The following SKAP2 variants were observed in gnomAD, a reference collection of about 807,000 sequenced individuals.
The protein encoded by SKAP2 is src kinase associated phosphoprotein 2, also known as src kinase-associated phosphoprotein 2.
A neutral mutation model predicts 54.9 loss-of-function variants in SKAP2; 28 were observed. The observed-to-expected ratio is 0.51, with a 90% CI of 0.38 to 0.70. The LOEUF (loss-of-function observed/expected upper bound fraction) is 0.70. SKAP2 is among the 30% of genes least tolerant of loss of function. The pLI, the probability that SKAP2 is intolerant of heterozygous loss-of-function variation, is 0.00. For missense variants in SKAP2, 356 were observed against 424.1 expected, an observed-to-expected ratio of 0.84 and a Z score of 1.41; for synonymous variants, 137 against 134.3, an observed-to-expected ratio of 1.02 and a Z score of -0.14.
At chr7:26,780,640 C>T (rs759283240) in intron 4 of SKAP2, among the ~76,000 whole-genome samples, 1 of 152,000 alleles carries the variant, frequency 6.6e-6, no homozygotes, top group Non-Finnish European at 1.5e-5. Flanking sequence ...ATAAAAACCA[C>T]TCTTAGCTTA....
chr7:26,688,171 T>C (rs559521810), intron 10 of SKAP2, among the ~76,000 whole-genome samples: 61 of 152,220 alleles, frequency 4.0e-4, no homozygotes, highest in East Asian at 1.5e-3. Flanking sequence ...GTGAAACATA[T>C]GAGAATAAGA....
chr7:26,725,220 G>C (rs115048097), intron 9 of SKAP2, among the ~76,000 whole-genome samples: 2,820 of 152,046 alleles, frequency 0.019, 82 homozygotes, highest in African/African-American at 0.064. Flanking sequence ...TTCACTTTTC[G>C]TAAGTTACAT....
At position 26,837,175 on chromosome 7, in the gene SKAP2, T is replaced by C. The variant is rs142925869; in HGVS notation, c.307+6855A>G. On this transcript the variant is annotated intron_variant, in intron 4 of 12. Transcript: ENST00000345317. Reference sequence around the variant, plus strand: ...GCAGGGAGGGGAACATCACACACCATGGCCTGTCAGGGGGTTGGGGGCTAG... The same window carrying C: ...GCAGGGAGGGGAACATCACACACCACGGCCTGTCAGGGGGTTGGGGGCTAG... Among the ~76,000 whole-genome samples, 518 of 151,714 alleles carry C rather than the reference T, an allele frequency of 3.4e-3. 3 individuals carry two copies. Among genetic ancestry groups the C allele is most frequent in the Non-Finnish European group, 5.4e-3 (366 of 67,876 alleles).
intron 11 of SKAP2, among the ~76,000 whole-genome samples, chr7:26,671,170 T>C (rs1017886408): frequency 1.3e-5 from 2 of 152,102 alleles, no homozygotes; most frequent in Admixed American, 6.6e-5. Context: ...TGTAGTGAGA[T>C]ACAAACAAAG....
intron 4 of SKAP2, among the ~76,000 whole-genome samples, chr7:26,747,216 G>T (rs1471433375): frequency 2.0e-5 from 3 of 152,080 alleles, no homozygotes; most frequent in Admixed American, 6.6e-5. Flanking sequence ...ATTCACCAAT[G>T]AATATACTAG....
intron 3 of SKAP2, among the ~76,000 whole-genome samples, chr7:26,853,670 CA>C (rs1483865967): frequency 6.6e-6 from 1 of 152,080 alleles, no homozygotes; most frequent in African/African-American, 2.4e-5. Flanking sequence ...TGTTTGTTCT[CA>C]AACAAAAATT....
At chr7:26,670,368 TTTAAA>T (rs1250621780) in intron 11 of SKAP2, among the ~76,000 whole-genome samples, 176 bp from the exon 12 acceptor site, 1 of 152,106 alleles carries the variant, frequency 6.6e-6, no homozygotes, top group African/African-American at 2.4e-5. Context: ...TAGGCAACGA[TTTAAA>T]TTAAGGTATA....
chr7:26,703,613 AGTT>A (rs1787094403), intron 9 of SKAP2, among the ~76,000 whole-genome samples: 1 of 152,196 alleles, frequency 6.6e-6, no homozygotes, highest in African/African-American at 2.4e-5. Flanking sequence ...TCTGAACCTC[AGTT>A]TTTTCATCTG....
At chr7:26,857,186 T>A (rs1388707208) in intron 1 of SKAP2, among the ~76,000 whole-genome samples, 1 of 148,524 alleles carries the variant, frequency 6.7e-6, no homozygotes, top group Non-Finnish European at 1.5e-5. Context: ...TAGCCTTTTT[T>A]AATATACTTA....
intron 4 of SKAP2, among the ~76,000 whole-genome samples, chr7:26,741,789 T>C (rs1049455467): frequency 1.3e-5 from 2 of 151,748 alleles, no homozygotes; most frequent in African/African-American, 4.8e-5. Flanking sequence ...ATAGGAAGTT[T>C]ATTATTTACA....
intron 4 of SKAP2, among the ~76,000 whole-genome samples, chr7:26,794,584 T>C (rs1783732719): frequency 6.6e-6 from 1 of 152,256 alleles, no homozygotes; most frequent in Admixed American, 6.5e-5. Flanking sequence ...GCAGTTTTCC[T>C]GCCCAGCCCA....
chr7:26,704,632 G>C (rs1413653283), intron 9 of SKAP2, among the ~76,000 whole-genome samples: 1 of 152,120 alleles, frequency 6.6e-6, no homozygotes, highest in Non-Finnish European at 1.5e-5. Flanking sequence ...GATAAAATAG[G>C]TTATAATGGC....
chr7:26,839,430 C>T (rs566377991), intron 4 of SKAP2, among the ~76,000 whole-genome samples: 22 of 151,750 alleles, frequency 1.4e-4, no homozygotes, highest in Non-Finnish European at 2.4e-4. Flanking sequence ...TTAAGACAAC[C>T]CAAAAATTTT....
At chr7:26,684,951 T>A in intron 10 of SKAP2, 103 bp from the exon 11 acceptor site, 1 of 659,340 alleles carries the variant, frequency 1.5e-6, no homozygotes, top group Non-Finnish European at 2.6e-6. Context: ...ATCACTAAAA[T>A]AGTCTAAAAA....
At chr7:26,830,214 G>C (rs563424659) in intron 4 of SKAP2, among the ~76,000 whole-genome samples, 1 of 152,258 alleles carries the variant, frequency 6.6e-6, no homozygotes, top group African/African-American at 2.4e-5. Context: ...TAGATTCATA[G>C]TTGCCTAGGC....
intron 4 of SKAP2, among the ~76,000 whole-genome samples, chr7:26,820,171 A>C (rs1265861767): frequency 6.6e-6 from 1 of 152,178 alleles, no homozygotes; most frequent in Non-Finnish European, 1.5e-5. Context: ...CAGCCTGGGC[A>C]ATATTGTGAG....
intron 4 of SKAP2, among the ~76,000 whole-genome samples, chr7:26,842,130 AG>A (rs2127995348): frequency 6.6e-6 from 1 of 151,916 alleles, no homozygotes; most frequent in African/African-American, 2.4e-5. Context: ...TATTCTTAGA[AG>A]AAAATGTGAA....
intron 4 of SKAP2, among the ~76,000 whole-genome samples, chr7:26,741,027 T>C (rs1188538923): frequency 6.6e-6 from 1 of 152,072 alleles, no homozygotes; most frequent in Non-Finnish European, 1.5e-5. Context: ...TCCTCAGCAT[T>C]TTACTAGAAC....
At chr7:26,719,920 T>A (rs1584350413) in intron 9 of SKAP2, among the ~76,000 whole-genome samples, 1 of 152,228 alleles carries the variant, frequency 6.6e-6, no homozygotes, top group Admixed American at 6.5e-5. Context: ...GTCTATTACA[T>A]CCCTGTGGCC....
Sources: allele counts gnomAD v4.1 joint callset (sites outside exome capture counted in the v4.1 genomes callset), GRCh38; gene constraint gnomAD v4.1.1; transcripts MANE v1.5; gene names NCBI Gene and HGNC (gene_info 2026-07-23, HGNC 2026-07-21).